Variants in SPTY2D1 observed in about 807,000 individuals in gnomAD.
SPTY2D1 encodes the protein SPT2 chromatin protein domain containing 1, also known as protein SPT2 homolog.
Under a neutral mutation model 64.0 loss-of-function variants are expected in SPTY2D1, and 21 were observed. The ratio of observed to expected loss-of-function variants is 0.33; its 90% CI spans 0.23 to 0.47. SPTY2D1 has a LOEUF of 0.47. Ranked by LOEUF, SPTY2D1 falls within the 20% of genes least tolerant of loss-of-function variation. SPTY2D1 has a pLI of 1.00. For synonymous variants in SPTY2D1, 287 were observed against 286.8 expected (o/e 1.00, Z -0.01); for missense variants, 724 against 837.2 (o/e 0.86, Z 1.67).
intron 1 of SPTY2D1, among the ~76,000 whole-genome samples, chr11:18,617,379 C>A (rs1462320329): frequency 6.6e-6 from 1 of 151,946 alleles, no homozygotes; most frequent in African/African-American, 2.4e-5. Context: ...GTAATCTCAG[C>A]ACTTTGGGAG....
At chr11:18,624,279 C>T (rs1017875294) in intron 1 of SPTY2D1, among the ~76,000 whole-genome samples, 3 of 151,646 alleles carry the variant, frequency 2.0e-5, no homozygotes, top group Non-Finnish European at 4.4e-5. Flanking sequence ...AACTATTTGG[C>T]ACTTCCCCTC....
intron 1 of SPTY2D1, among the ~76,000 whole-genome samples, chr11:18,628,681 CAAAT>C (rs1349404193): frequency 6.6e-6 from 1 of 152,176 alleles, no homozygotes; most frequent in East Asian, 1.9e-4. Flanking sequence ...AAACTGCACT[CAAAT>C]AAGCTCAATA....
At chr11:18,610,686 A>AAC (rs994241042) in intron 5 of SPTY2D1, among the ~76,000 whole-genome samples, 5 of 147,296 alleles carry the variant, frequency 3.4e-5, no homozygotes, top group African/African-American at 5.1e-5. Flanking sequence ...AAAAAAAAAA[A>AAC]AACAACAATA....
Position 18,611,574 on chromosome 11 carries a change from A to G in SPTY2D1, c.1887-20T>C. 6.2e-7 allele frequency: 1 copy of G among 1,605,274 alleles called. No homozygotes were observed. The highest frequency in any genetic ancestry group is 1.1e-5 in the South Asian group (1 of 90,094). The stretch of plus-strand genomic sequence containing the variant: ...TTGTATCTGATAAAAGGAAATCAAA[A>G]TGATAAAAAGAGAAAACTTCAATTT... On this transcript the variant is annotated intron_variant, in intron 4 of 5. Coordinates refer to ENST00000336349, the MANE Select transcript of SPTY2D1 (RefSeq NM_194285.3).
rs953516892 is a variant in SPTY2D1, at chr11:18,615,968, C to T, written c.306G>A (p.Glu102=). Residue 102 remains glutamate, a synonymous_variant, in exon 3 of 6, where the codon GAG becomes GAA. Coordinates refer to ENST00000336349, the MANE Select transcript of SPTY2D1 (RefSeq NM_194285.3). ...TTGCCTGCCTCTTCTTTGACTTTTC[C>T]TCAATAGGAATCCCATTGTAACCAT... ...NFHGYNGIPI[E]EKSKKRQATE... is the part of the protein sequence containing the mutation. 1.9e-6 allele frequency: 3 copies of T among 1,614,088 alleles called. No individual in the cohort carries two copies. Among genetic ancestry groups the T allele is most frequent in the African/African-American group, 2.7e-5 (2 of 74,928 alleles).
Position 18,614,758 on chromosome 11 carries a change from C to T in SPTY2D1, c.1516G>A (p.Val506Ile), listed in dbSNP as rs1369313869. Reference sequence around the variant, plus strand: ...GGTCTTCCTGGGACTGAATTACTGACAGTCCGTCCAGCTGGAATTGAGCCA... The same window carrying T: ...GGTCTTCCTGGGACTGAATTACTGATAGTCCGTCCAGCTGGAATTGAGCCA... ...ISGSIPAGRT[V>I]SNSVPGRPVS... is the part of the protein sequence containing the mutation. Residue 506 changes from valine (V) to isoleucine (I), a missense_variant, in exon 3 of 6, where the codon GTC becomes ATC. Physicochemically the swap from Val to Ile is conservative, Grantham distance 29 (BLOSUM62 3). Around this residue, in one of 3 missense-constraint regions of SPTY2D1, gnomAD observed 426 missense variants for 431.8 expected, o/e 0.99. Coordinates refer to ENST00000336349, the MANE Select transcript of SPTY2D1 (RefSeq NM_194285.3). 6.2e-7 allele frequency: 1 copy of T among 1,613,028 alleles called. No individual in the cohort carries two copies. The highest frequency in any genetic ancestry group is 8.5e-7 in the Non-Finnish European group (1 of 1,179,202).
intron 1 of SPTY2D1, among the ~76,000 whole-genome samples, chr11:18,617,955 ATAAGTAAG>A (rs374251066): frequency 2.0e-5 from 3 of 152,092 alleles, no homozygotes; most frequent in Admixed American, 6.5e-5. Context: ...CCATCAATCT[ATAAGTAAG>A]TAAGTAAGTA....
At chr11:18,614,514 A>G in intron 3 of SPTY2D1, 49 bp downstream of exon 3, 2 of 1,535,890 alleles carry the variant, frequency 1.3e-6, no homozygotes, top group African/African-American at 2.8e-5. Context: ...AACTCTTTCC[A>G]ATTTCCTAAT....
Position 18,634,181 on chromosome 11 carries a change from C to G in SPTY2D1, c.60+17G>C. 1 of 1,614,068 alleles carries G rather than the reference C, an allele frequency of 6.2e-7. No homozygotes were observed. Among genetic ancestry groups the G allele is most frequent in the Non-Finnish European group, 8.5e-7 (1 of 1,179,916 alleles). ...AAGACTAGGGTCCCCTACATTGATG[C>G]CCCAGCTGCTACTTACCGGCACATT... On this transcript the variant is annotated intron_variant, in intron 1 of 5. Transcript: ENST00000336349.
At chr11:18,611,608 AAC>A in intron 4 of SPTY2D1, 54 bp from the exon 5 acceptor site, 1 of 1,388,092 alleles carries the variant, frequency 7.2e-7, no homozygotes, top group African/African-American at 1.4e-5. Context: ...TTTCTAAAGG[AAC>A]TACGTCCTCT....
At chr11:18,633,598 C>CT (rs1392326943) in intron 1 of SPTY2D1, among the ~76,000 whole-genome samples, 1 of 152,174 alleles carries the variant, frequency 6.6e-6, no homozygotes. Flanking sequence ...ACTAGCTCAC[C>CT]TATTCTGTTG....
Position 18,626,154 on chromosome 11 carries a change from A to G in SPTY2D1, c.60+8044T>C, listed in dbSNP as rs376781366. Among the ~76,000 whole-genome samples the G allele has an allele frequency of 1.7e-3, 257 of 152,118 alleles. 4 individuals are homozygous for G. Among genetic ancestry groups the G allele is most frequent in the Middle Eastern group, 6.8e-3 (2 of 294 alleles). On this transcript the variant is annotated intron_variant, in intron 1 of 5. Transcript: ENST00000336349. ...ATCTCTAGTTTTTAATTTAACTCCA[A>G]CACTTGGATCTCTAGTTCTAACCTC...
At chr11:18,627,468 C>T (rs900634866) in intron 1 of SPTY2D1, among the ~76,000 whole-genome samples, 3 of 151,602 alleles carry the variant, frequency 2.0e-5, no homozygotes, top group Non-Finnish European at 2.9e-5. Flanking sequence ...CTTCACCGGG[C>T]GTGGTGGCTC....
intron 1 of SPTY2D1, among the ~76,000 whole-genome samples, chr11:18,622,461 A>T (rs1455072015): frequency 1.3e-5 from 2 of 152,164 alleles, no homozygotes; most frequent in Non-Finnish European, 2.9e-5. Context: ...CAGGAGGTGG[A>T]GGCTGCAGTG....
chr11:18,634,324 C>T lies in SPTY2D1; in HGVS notation c.-67G>A, dbSNP rs866274569. 5.1e-6 allele frequency: 8 copies of T among 1,558,946 alleles called. No homozygotes were observed. The highest frequency in any genetic ancestry group is 4.5e-5 in the East Asian group (2 of 44,622). On this transcript the variant is annotated 5_prime_UTR_variant, in exon 1 of 6. Transcript: ENST00000336349. ...GGACTGACAGCGCACCTAACCGAGGCGCCCAGCTACAGCCAACTGCACTGC... is the reference window on the plus strand; with the variant it reads ...GGACTGACAGCGCACCTAACCGAGGTGCCCAGCTACAGCCAACTGCACTGC...
At chr11:18,617,053 G>A in intron 1 of SPTY2D1, 64 bp from the exon 2 acceptor site, 1 of 1,361,506 alleles carries the variant, frequency 7.3e-7, no homozygotes, top group Non-Finnish European at 1.0e-6. Flanking sequence ...TTAGGTATAA[G>A]GCACTGTGCC....
chr11:18,611,358 G>A (rs1854203232), intron 5 of SPTY2D1, 119 bp downstream of exon 5: 1 of 881,960 alleles, frequency 1.1e-6, no homozygotes, highest in Non-Finnish European at 1.9e-6. Flanking sequence ...CTAGTAAACA[G>A]GATTGGAATC....
At chr11:18,631,225 G>A (rs1364706416) in intron 1 of SPTY2D1, among the ~76,000 whole-genome samples, 3 of 152,182 alleles carry the variant, frequency 2.0e-5, no homozygotes. Flanking sequence ...AGTGTACAGG[G>A]TAACAGATTA....
chr11:18,614,821 G>C lies in SPTY2D1; in HGVS notation c.1453C>G (p.Pro485Ala), dbSNP rs1337136361. The C allele has an allele frequency of 1.2e-6, 2 of 1,613,340 alleles. No homozygotes were observed. Among genetic ancestry groups the C allele is most frequent in the Non-Finnish European group, 1.7e-6 (2 of 1,179,606 alleles). The change falls in exon 3 of 6, where the codon CCG becomes GCG. Residue 485 changes from proline to alanine, a missense_variant. Coordinates refer to ENST00000336349, the MANE Select transcript of SPTY2D1 (RefSeq NM_194285.3). ...LRRPVSGLGP[P>A]GRSVSGPGRS... ...CCAGGGCCACTGACAGACCGCCCCG[G>C]GGGGCCCAAGCCACTCACTGGTCGT...
Sources: gnomAD v4.1 joint callset for allele counts (sites outside exome capture counted in the v4.1 genomes callset) on GRCh38, gnomAD v4.1.1 for gene constraint, gnomAD v4.1.1 regional missense constraint, MANE v1.5 for transcripts, NCBI Gene and HGNC (gene_info 2026-07-23, HGNC 2026-07-21) for gene names.